The following NKAIN3 variants were observed in gnomAD, a reference collection of about 807,000 sequenced individuals.
NKAIN3 encodes the protein sodium/potassium-transporting ATPase subunit beta-1-interacting protein 3.
A neutral mutation model predicts 30.2 loss-of-function variants in NKAIN3; 25 were observed. The observed-to-expected ratio is 0.83, with a 90% CI of 0.60 to 1.16. The LOEUF is 1.16. NKAIN3 is among the 50% of genes most tolerant of loss of function. The pLI, the probability that NKAIN3 is intolerant of heterozygous loss-of-function variation, is 0.00. For synonymous variants in NKAIN3, 91 were observed against 89.6 expected (o/e 1.02, Z -0.09); for missense variants, 225 against 254.1 (o/e 0.89, Z 0.78).
intron 1 of NKAIN3, among the ~76,000 whole-genome samples, chr8:62,335,448 A>AAAGAAAGAAAGAAAG (rs1554668210): frequency 1.3e-5 from 2 of 150,534 alleles, no homozygotes; most frequent in African/African-American, 4.9e-5. Context: ...AAAAAAAAAA[A>AAAGAAAGAAAGAAAG]AAAGAAAGAA....
chr8:62,601,993 C>T (rs975328402), intron 3 of NKAIN3, among the ~76,000 whole-genome samples: 1 of 151,996 alleles, frequency 6.6e-6, no homozygotes, highest in African/African-American at 2.4e-5. Context: ...CAAGGTTAAG[C>T]TCAGTCTTAT....
chr8:62,672,339 A>C (rs937658974), intron 3 of NKAIN3, among the ~76,000 whole-genome samples: 2 of 152,218 alleles, frequency 1.3e-5, no homozygotes, highest in Non-Finnish European at 2.9e-5. Flanking sequence ...TGGCCTCATG[A>C]GTGCCCTAGA....
chr8:62,338,637 G>A (rs1003826875), intron 1 of NKAIN3, among the ~76,000 whole-genome samples: 3 of 151,842 alleles, frequency 2.0e-5, no homozygotes, highest in South Asian at 2.1e-4. Flanking sequence ...ATTAACTCAC[G>A]TGATCACAAG....
intron 4 of NKAIN3, among the ~76,000 whole-genome samples, chr8:62,844,857 T>C (rs1361458126): frequency 6.6e-6 from 1 of 152,072 alleles, no homozygotes; most frequent in Non-Finnish European, 1.5e-5. Context: ...ATATTGAGCC[T>C]GGGCAGTCGA....
chr8:62,906,780 G>GCAA (rs1211819645), intron 4 of NKAIN3, among the ~76,000 whole-genome samples: 2 of 152,170 alleles, frequency 1.3e-5, no homozygotes, highest in Admixed American at 1.3e-4. Flanking sequence ...CCAGCCATGT[G>GCAA]CAACTGTGAG....
At chr8:62,941,249 T>C (rs922026211) in intron 5 of NKAIN3, among the ~76,000 whole-genome samples, 5 of 152,150 alleles carry the variant, frequency 3.3e-5, no homozygotes, top group Non-Finnish European at 5.9e-5. Flanking sequence ...AAGATTGAAA[T>C]GGTAATTTTT....
intron 1 of NKAIN3, among the ~76,000 whole-genome samples, chr8:62,406,577 C>G (rs1165487332): frequency 1.3e-5 from 2 of 151,978 alleles, no homozygotes; most frequent in African/African-American, 4.8e-5. Context: ...TATCACTGGA[C>G]CTGAGAAAGA....
rs188841862 is a variant in NKAIN3, at chr8:62,256,631, G to A, written c.54+7504G>A. Among the ~76,000 whole-genome samples, 687 of 152,240 alleles carry A rather than the reference G, an allele frequency of 4.5e-3. 7 individuals are homozygous for A. The highest frequency in any genetic ancestry group is 5.5e-3 in the Non-Finnish European group (372 of 68,012). On this transcript the variant is annotated intron_variant, in intron 1 of 6. Coordinates refer to ENST00000623646, the MANE Select transcript of NKAIN3 (RefSeq NM_001304533.3). ...TGCACATGTAGCATCTGGTGTATCT[G>A]CGGTAGGCTGTCTGCTCTTTTAGGT...
At chr8:62,942,547 G>A in intron 5 of NKAIN3, among the ~76,000 whole-genome samples, 1 of 150,248 alleles carries the variant, frequency 6.7e-6, no homozygotes. Context: ...AATTCATGTG[G>A]AACCAAAAAA....
At chr8:62,364,496 C>A (rs1379042227) in intron 1 of NKAIN3, among the ~76,000 whole-genome samples, 2 of 151,994 alleles carry the variant, frequency 1.3e-5, no homozygotes, top group African/African-American at 2.4e-5. Flanking sequence ...CATGGAGCTT[C>A]AAAAGTCATT....
chr8:62,756,310 C>G (rs1391940193), intron 4 of NKAIN3, among the ~76,000 whole-genome samples: 2 of 152,130 alleles, frequency 1.3e-5, no homozygotes, highest in East Asian at 3.8e-4. Flanking sequence ...CTTGCCTCTA[C>G]TGGATATGTC....
chr8:62,939,762 T>A (rs1822896898), intron 5 of NKAIN3, among the ~76,000 whole-genome samples: 1 of 152,032 alleles, frequency 6.6e-6, no homozygotes, highest in African/African-American at 2.4e-5. Flanking sequence ...GAGCTCTACA[T>A]CTTGAAACAA....
chr8:62,394,289 T>G (rs1426942176), intron 1 of NKAIN3, among the ~76,000 whole-genome samples: 1 of 152,160 alleles, frequency 6.6e-6, no homozygotes, highest in Non-Finnish European at 1.5e-5. Flanking sequence ...TGTTAAATGT[T>G]TTTTCTTCCT....
chr8:62,960,837 C>A (rs553487895), intron 6 of NKAIN3, among the ~76,000 whole-genome samples: 34 of 152,176 alleles, frequency 2.2e-4, no homozygotes, highest in Non-Finnish European at 1.5e-4. Flanking sequence ...GCCTTGAGGG[C>A]AGTTACCCTT....
At chr8:62,395,233 G>A (rs1563379120) in intron 1 of NKAIN3, among the ~76,000 whole-genome samples, 1 of 150,752 alleles carries the variant, frequency 6.6e-6, no homozygotes, top group Non-Finnish European at 1.5e-5. Flanking sequence ...GGAGGTGCGG[G>A]GAGAGGTGGC....
intron 1 of NKAIN3, among the ~76,000 whole-genome samples, chr8:62,554,652 C>T (rs1165097734): frequency 1.3e-5 from 2 of 152,114 alleles, no homozygotes; most frequent in East Asian, 3.9e-4. Flanking sequence ...CTCAAGGCAT[C>T]AGGCAAACAG....
At chr8:62,599,098 A>G (rs533770172) in intron 3 of NKAIN3, among the ~76,000 whole-genome samples, 2 of 152,196 alleles carry the variant, frequency 1.3e-5, no homozygotes, top group South Asian at 2.1e-4. Context: ...CATTCTTATC[A>G]ACTAGTAATG....
rs928329910 is a variant in NKAIN3 at position 62,327,124 on chromosome 8, G to A, written c.54+77997G>A. On this transcript the variant is annotated intron_variant, in intron 1 of 6. Coordinates refer to ENST00000623646, the MANE Select transcript of NKAIN3 (RefSeq NM_001304533.3). ...TGGCCATTCGTATGTCTTTTGTGGA[G>A]AAATGTTGTTTTAAGTCCTTTGCCA... 8.5e-5 allele frequency among the ~76,000 whole-genome samples: 13 copies of A among 152,112 alleles called. No individual in the cohort carries two copies. The East Asian group carries it at 2.1e-3, about 25-fold the overall frequency.
At position 62,283,598 on chromosome 8, in the gene NKAIN3, T is replaced by A. The variant is rs190782324; in HGVS notation, c.54+34471T>A. Among the ~76,000 whole-genome samples the A allele has an allele frequency of 4.5e-4, 68 of 152,258 alleles. No homozygotes were observed. In the East Asian group the frequency reaches 0.012, roughly 27 times the overall value. On this transcript the variant is annotated intron_variant, in intron 1 of 6. Transcript: ENST00000623646. ...TTGAAGTTATATACCATATTTTTTC[T>A]AACTGATTATTGAAGTAGGATTTTA...
Sources: allele counts gnomAD v4.1 joint callset (sites outside exome capture counted in the v4.1 genomes callset), GRCh38; gene constraint gnomAD v4.1.1; transcripts MANE v1.5; gene names NCBI Gene and HGNC (gene_info 2026-07-23, HGNC 2026-07-21).